The following PITX3 variants were observed in gnomAD, a reference collection of about 807,000 sequenced individuals.
The protein encoded by PITX3 is paired like homeodomain 3, also known as pituitary homeobox 3.
A neutral mutation model predicts 14.2 loss-of-function variants in PITX3; 4 were observed. The ratio of observed to expected loss-of-function variants is 0.28; its 90% CI spans 0.14 to 0.65. The LOEUF (loss-of-function observed/expected upper bound fraction) is 0.65. Ranked by LOEUF, PITX3 falls within the 30% of genes least tolerant of loss-of-function variation. The probability of loss-of-function intolerance (pLI) is 0.82; values close to 1 mark genes in which losing one functional copy is unlikely to be tolerated. For synonymous variants in PITX3, 194 were observed against 204.5 expected (o/e 0.95, Z 0.44); for missense variants, 358 against 426.8 (o/e 0.84, Z 1.42).
intron 1 of PITX3, 145 bp from the exon 2 acceptor site, chr10:102,232,237 A>G: frequency 3.2e-6 from 2 of 627,852 alleles, no homozygotes; most frequent in East Asian, 2.7e-5. Context: ...TCCTTAGGAT[A>G]GAATCGGGAA....
intron 1 of PITX3, among the ~76,000 whole-genome samples, chr10:102,232,434 G>A (rs1374846655): frequency 2.0e-5 from 3 of 152,212 alleles, no homozygotes; most frequent in Admixed American, 1.3e-4. Flanking sequence ...TGTAATCCCA[G>A]CACTTTGGGA....
intron 1 of PITX3, among the ~76,000 whole-genome samples, chr10:102,235,186 C>T (rs1022937280): frequency 6.9e-6 from 1 of 144,630 alleles, no homozygotes; most frequent in Non-Finnish European, 1.5e-5. Context: ...CCCACCCCCC[C>T]ACCGCCTCCC....
chr10:102,236,479 A>G (rs1331596235), intron 1 of PITX3, among the ~76,000 whole-genome samples: 1 of 152,188 alleles, frequency 6.6e-6, no homozygotes, highest in African/African-American at 2.4e-5. Context: ...CAGGGTGGCA[A>G]TCCCAGGCCC....
At position 102,230,271 on chromosome 10, in the gene PITX3, G is replaced by A. The variant is rs574544004; in HGVS notation, c.*243C>T. On this transcript the variant is annotated 3_prime_UTR_variant, in exon 4 of 4. Coordinates refer to ENST00000370002, the MANE Select transcript of PITX3 (RefSeq NM_005029.4). Reference sequence around the variant, plus strand: ...AGAAGGCGGGATGGGCCAAGGGTGAGTTGGCCCCCGGGGAGCTGGTCCCTG... The same window carrying A: ...AGAAGGCGGGATGGGCCAAGGGTGAATTGGCCCCCGGGGAGCTGGTCCCTG... 4.4e-5 allele frequency: 22 copies of A among 504,828 alleles called. No homozygotes were observed. The Middle Eastern group carries it at 1.6e-3, about 36-fold the overall frequency. The allele number at this position is 504,828 out of a possible 1,614,324, so 31.3% of individuals were successfully genotyped here.
At chr10:102,234,606 T>C (rs1425616404) in intron 1 of PITX3, among the ~76,000 whole-genome samples, 1 of 152,012 alleles carries the variant, frequency 6.6e-6, no homozygotes, top group Non-Finnish European at 1.5e-5. Context: ...AACTGAGAGT[T>C]GGAAAAAGGG....
chr10:102,231,329 T>C (rs2070229518), intron 3 of PITX3, among the ~76,000 whole-genome samples: 1 of 151,110 alleles, frequency 6.6e-6, no homozygotes, highest in Non-Finnish European at 1.5e-5. Context: ...GACAGTAGGA[T>C]GGGGTTGAGG....
chr10:102,231,247 G>A (rs2070225608), intron 3 of PITX3, 146 bp from the exon 4 acceptor site: 6 of 837,144 alleles, frequency 7.2e-6, no homozygotes, highest in South Asian at 5.6e-5. Context: ...GGGAAGGAGC[G>A]CACGGAGTCC....
chr10:102,232,193 C>T (rs1242980866), intron 1 of PITX3, 101 bp from the exon 2 acceptor site: 1 of 708,116 alleles, frequency 1.4e-6, no homozygotes, highest in Non-Finnish European at 2.5e-6. Flanking sequence ...GCGCCTTTCT[C>T]AACCCCAGCC....
In PITX3 at chr10:102,231,083, G is replaced by C; in HGVS notation, c.340C>G (p.Arg114Gly). The C allele has an allele frequency of 6.4e-7, 1 of 1,559,454 alleles. No homozygotes were observed. ...CGCTCGCGCTTCCGCCATTTGGCGC[G>C]CCGGTTCTTGAACCACACCTGCGGG... ...ARVRVWFKNR[R>G]AKWRKRERSQ... The change falls in exon 4 of 4, where the codon CGC becomes GGC. Residue 114 changes from arginine (R) to glycine (G), a missense_variant. Coordinates refer to ENST00000370002, the MANE Select transcript of PITX3 (RefSeq NM_005029.4).
Position 102,231,765 on chromosome 10 carries a change from C to T in PITX3, c.144G>A (p.Leu48=). 6.2e-7 allele frequency: 1 copy of T among 1,605,788 alleles called. No homozygotes were observed. The highest frequency in any genetic ancestry group is 2.2e-5 in the East Asian group (1 of 44,704). ...HSDSEKASAS[L]PGGSPEDGSL... is the part of the protein sequence containing the mutation. ...AACCGTCCTCTGGGGAGCCGCCGGG[C>T]AGCGAAGCCGAGGCCTTTTCTGAGT... Residue 48 remains leucine, a synonymous_variant, in exon 3 of 4, where the codon CTG becomes CTA. Coordinates refer to ENST00000370002, the MANE Select transcript of PITX3 (RefSeq NM_005029.4).
At chr10:102,239,301 A>T (rs989018064) in intron 1 of PITX3, among the ~76,000 whole-genome samples, 2 of 152,228 alleles carry the variant, frequency 1.3e-5, no homozygotes, top group East Asian at 3.8e-4. Context: ...CTTCATTATG[A>T]TACCACCTCT....
At chr10:102,240,810 C>T (rs1004212468) in intron 1 of PITX3, among the ~76,000 whole-genome samples, 1 of 152,258 alleles carries the variant, frequency 6.6e-6, no homozygotes, top group Admixed American at 6.5e-5. Flanking sequence ...GCTCTCACAA[C>T]ACAGCTCCTA....
At chr10:102,235,746 G>A (rs1232781115) in intron 1 of PITX3, among the ~76,000 whole-genome samples, 2 of 152,208 alleles carry the variant, frequency 1.3e-5, no homozygotes, top group African/African-American at 2.4e-5. Flanking sequence ...TTCCTTGAGT[G>A]AGTCATCTGC....
chr10:102,230,757 G>C lies in PITX3; in HGVS notation c.666C>G (p.Pro222=). Residue 222 remains proline, a synonymous_variant, in exon 4 of 4, where the codon CCC becomes CCG. Coordinates refer to ENST00000370002, the MANE Select transcript of PITX3 (RefSeq NM_005029.4). Reference sequence around the variant, plus strand: ...ACACGGCGGCCGGAGCCAGCCCGGGGGGGCCCCCGCCCAGGCCCTGCAGGG... The same window carrying C: ...ACACGGCGGCCGGAGCCAGCCCGGGCGGGCCCCCGCCCAGGCCCTGCAGGG... ...PGALQGLGGG[P]PGLAPAAVSS... 6.7e-7 allele frequency: 1 copy of C among 1,493,386 alleles called. No homozygotes were observed. The highest frequency in any genetic ancestry group is 1.3e-5 in the South Asian group (1 of 75,162). 92.5% of individuals were successfully genotyped at this position (1,493,386 alleles called of 1,614,324 possible).
At chr10:102,236,114 A>C (rs1442102338) in intron 1 of PITX3, among the ~76,000 whole-genome samples, 3 of 152,190 alleles carry the variant, frequency 2.0e-5, no homozygotes, top group African/African-American at 7.2e-5. Flanking sequence ...TAGCCGACTC[A>C]CGTCCGGGTG....
chr10:102,231,453 G>T, intron 3 of PITX3, 135 bp downstream of exon 3: 1 of 648,580 alleles, frequency 1.5e-6, no homozygotes, highest in Non-Finnish European at 2.7e-6. Flanking sequence ...ACCGCGTGGG[G>T]CTGCGGCCGG....
intron 1 of PITX3, among the ~76,000 whole-genome samples, chr10:102,240,150 T>C (rs1365543263): frequency 6.6e-6 from 1 of 152,192 alleles, no homozygotes; most frequent in Non-Finnish European, 1.5e-5. Flanking sequence ...GCAAGGAGTC[T>C]GGGGGGTGTC....
chr10:102,240,134 A>G (rs1471183655), intron 1 of PITX3, among the ~76,000 whole-genome samples: 1 of 152,076 alleles, frequency 6.6e-6, no homozygotes, highest in Non-Finnish European at 1.5e-5. Flanking sequence ...GTCGCCTGAT[A>G]CTCCAGCAAG....
intron 1 of PITX3, among the ~76,000 whole-genome samples, chr10:102,234,021 G>A (rs2070322174): frequency 1.3e-5 from 2 of 152,342 alleles, no homozygotes; most frequent in South Asian, 4.1e-4. Context: ...ACAGAGGGAA[G>A]GGGTAGAGAG....
Sources: gnomAD v4.1 joint callset for allele counts (sites outside exome capture counted in the v4.1 genomes callset) on GRCh38, gnomAD v4.1.1 for gene constraint, MANE v1.5 for transcripts, NCBI Gene and HGNC (gene_info 2026-07-23, HGNC 2026-07-21) for gene names.